RYR2: variants seen among roughly 807,000 people sequenced by gnomAD.
The protein encoded by RYR2 is cardiac muscle ryanodine receptor-calcium release channel.
Under a neutral mutation model 601.1 loss-of-function variants are expected in RYR2, and 227 were observed. That is an observed-to-expected ratio of 0.38 (90% confidence interval 0.34 to 0.42). The LOEUF is 0.42. Ranked by LOEUF, RYR2 falls within the 10% of genes least tolerant of loss-of-function variation. RYR2 has a pLI of 1.00. For synonymous variants in RYR2, 2,223 were observed against 2,175.1 expected (o/e 1.02, Z -0.61); for missense variants, 4,646 against 6,156.5 (o/e 0.75, Z 8.21).
intron 1 of RYR2, among the ~76,000 whole-genome samples, chr1:237,264,822 A>G (rs373674907): frequency 6.6e-6 from 1 of 151,692 alleles, no homozygotes; most frequent in African/African-American, 2.4e-5. Flanking sequence ...CAGCGTCCCA[A>G]GTAGCTGGGA....
At position 237,496,562 on chromosome 1, in the gene RYR2, G is replaced by A. The variant is rs1192622030; in HGVS notation, c.2013G>A (p.Lys671=). 6.2e-7 allele frequency: 1 copy of A among 1,614,006 alleles called. No homozygotes were observed. Among genetic ancestry groups the A allele is most frequent in the Non-Finnish European group, 8.5e-7 (1 of 1,179,902 alleles). The change falls in exon 20 of 105, where the codon AAG becomes AAA. Residue 671 remains lysine, a synonymous_variant. Transcript: ENST00000366574. Reference sequence around the variant, plus strand: ...TCAGTGAAGGTTCTGCTCAGTATAAGAAATGGTACTATGAATTGATGGTGG... The same window carrying A: ...TCAGTGAAGGTTCTGCTCAGTATAAAAAATGGTACTATGAATTGATGGTGG... ...LGVSEGSAQY[K]KWYYELMVDH...
chr1:237,282,818 G>A (rs1464332652), intron 2 of RYR2, among the ~76,000 whole-genome samples: 1 of 152,198 alleles, frequency 6.6e-6, no homozygotes, highest in African/African-American at 2.4e-5. Flanking sequence ...TTCATAAGGA[G>A]AATGAGAACA....
Position 237,628,019 on chromosome 1 carries a change from C to T in RYR2, c.6379C>T (p.Arg2127Trp). ...CCTGCTGGCATCCCTTGGTCAGATT[C>T]GGTCCCTGCTGAGTGTGAGAATGGG... Reference protein sequence around the residue: ...INLLASLGQIRSLLSVRMGKE... With the variant: ...INLLASLGQIWSLLSVRMGKE... Residue 2127 changes from arginine to tryptophan, a missense_variant, in exon 41 of 105, where the codon CGG (arginine) becomes TGG (tryptophan). Coordinates refer to ENST00000366574, the MANE Select transcript of RYR2 (RefSeq NM_001035.3). 2.5e-6 allele frequency: 4 copies of T among 1,613,872 alleles called. No homozygotes were observed. Among genetic ancestry groups the T allele is most frequent in the African/African-American group, 2.7e-5 (2 of 75,032 alleles).
At chr1:237,329,278 G>A (rs1696476475) in intron 2 of RYR2, among the ~76,000 whole-genome samples, 1 of 151,842 alleles carries the variant, frequency 6.6e-6, no homozygotes. Flanking sequence ...AAACTCTTGG[G>A]CCCAAGCATT....
At chr1:237,288,800 T>C (rs2149410231) in intron 2 of RYR2, among the ~76,000 whole-genome samples, 1 of 152,144 alleles carries the variant, frequency 6.6e-6, no homozygotes, top group East Asian at 1.9e-4. Flanking sequence ...GACACTAGAT[T>C]TGCACCCTCC....
In RYR2 at chr1:237,646,273, G is replaced by A. The variant is rs150432690; in HGVS notation, c.7343-2171G>A. Among the ~76,000 whole-genome samples the A allele has an allele frequency of 6.4e-3, 977 of 151,830 alleles. 11 individuals are homozygous for A. Among genetic ancestry groups the A allele is most frequent in the African/African-American group, 0.022 (895 of 41,466 alleles). ...GGAGAATCACTTGAACCTGGGAGAC[G>A]GAGGTTGCAGTGAGCCACGGCCGTG... On this transcript the variant is annotated intron_variant, in intron 48 of 104. Transcript: ENST00000366574.
rs777610842 is a variant in RYR2, at chr1:237,707,182, C to G, written c.9814C>G (p.His3272Asp). 8 of 1,612,756 alleles carry G rather than the reference C, an allele frequency of 5.0e-6. No homozygotes were observed. The South Asian group carries it at 7.7e-5, about 16-fold the overall frequency. The change falls in exon 68 of 105, where the codon CAC becomes GAC. Residue 3272 changes from histidine to aspartate, a missense_variant. Coordinates refer to ENST00000366574, the MANE Select transcript of RYR2 (RefSeq NM_001035.3). ...GTGCTGCACAGCCCTGAACTCAGAGCACATGAACACACTTCTAGGGAACAT... is the reference window on the plus strand; with the variant it reads ...GTGCTGCACAGCCCTGAACTCAGAGGACATGAACACACTTCTAGGGAACAT... ...EMCCTALNSE[H>D]MNTLLGNILK...
At chr1:237,188,653 C>T (rs1180722160) in intron 1 of RYR2, among the ~76,000 whole-genome samples, 1 of 152,038 alleles carries the variant, frequency 6.6e-6, no homozygotes, top group East Asian at 1.9e-4. Flanking sequence ...GCAACCTCTA[C>T]CTCCCAGGTT....
At chr1:237,323,799 A>G (rs1695880642) in intron 2 of RYR2, among the ~76,000 whole-genome samples, 1 of 152,196 alleles carries the variant, frequency 6.6e-6, no homozygotes, top group African/African-American at 2.4e-5. Flanking sequence ...ATGCCAAGGG[A>G]ATGACTTGAG....
At chr1:237,239,403 AG>A (rs1412415869) in intron 1 of RYR2, among the ~76,000 whole-genome samples, 1 of 152,128 alleles carries the variant, frequency 6.6e-6, no homozygotes, top group Non-Finnish European at 1.5e-5. Context: ...TTTATAGAGT[AG>A]CTTGAGGAGG....
intron 1 of RYR2, among the ~76,000 whole-genome samples, chr1:237,253,187 A>G (rs1234008192): frequency 6.7e-6 from 1 of 150,184 alleles, no homozygotes; most frequent in African/African-American, 2.4e-5. Flanking sequence ...AAAAACAACA[A>G]CAAAAAGTGA....
rs1254102854 is a variant in RYR2, at chr1:237,614,585, A to G, written c.5457A>G (p.Val1819=). 2 of 1,613,848 alleles carry G rather than the reference A, an allele frequency of 1.2e-6. No homozygotes were observed. Among genetic ancestry groups the G allele is most frequent in the African/African-American group, 2.7e-5 (2 of 74,920 alleles). ...GAGGGACTACTGAATTCCTCTTTGTACCTCTCATCAAGCTTTTCTATACCC... is the reference window on the plus strand; with the variant it reads ...GAGGGACTACTGAATTCCTCTTTGTGCCTCTCATCAAGCTTTTCTATACCC... ...PVGGTTEFLF[V]PLIKLFYTLL... Residue 1819 remains valine (V), a synonymous_variant, in exon 37 of 105, where the codon GTA becomes GTG. Coordinates refer to ENST00000366574, the MANE Select transcript of RYR2 (RefSeq NM_001035.3). This position sits in a 1 kb window ranked among gnomAD's most constrained non-coding sequence, Gnocchi z 4.3.
chr1:237,681,975 G>A (rs544581746), intron 62 of RYR2, among the ~76,000 whole-genome samples: 1 of 152,266 alleles, frequency 6.6e-6, no homozygotes, highest in South Asian at 2.1e-4. Flanking sequence ...TGTTAATCTA[G>A]CTATCACTTA....
Position 237,365,758 on chromosome 1 carries a change from T to C in RYR2, c.309+1386T>C, listed in dbSNP as rs576591069. Among the ~76,000 whole-genome samples, 4 of 152,336 alleles carry C rather than the reference T, an allele frequency of 2.6e-5. No homozygotes were observed. The South Asian group carries it at 6.2e-4, about 24-fold the overall frequency. ...CATTCTTAATTCAACTGTACAATAT[T>C]GTATGGACTTCCCCTTGGGAAGGGT... On this transcript the variant is annotated intron_variant, in intron 5 of 104. Coordinates refer to ENST00000366574, the MANE Select transcript of RYR2 (RefSeq NM_001035.3).
At chr1:237,798,537 T>G (rs533961859) in intron 97 of RYR2, among the ~76,000 whole-genome samples, 1 of 151,334 alleles carries the variant, frequency 6.6e-6, no homozygotes, top group Non-Finnish European at 1.5e-5. Flanking sequence ...GTTAATTTTC[T>G]TATGTTTTGG....
intron 23 of RYR2, among the ~76,000 whole-genome samples, chr1:237,508,775 C>T (rs1048325182): frequency 8.8e-6 from 1 of 113,552 alleles, no homozygotes; most frequent in African/African-American, 3.4e-5. Context: ...CGGAGTCTTG[C>T]TCTGTCGCCC....
At chr1:237,452,384 A>G (rs1293759443) in intron 14 of RYR2, among the ~76,000 whole-genome samples, 1 of 146,446 alleles carries the variant, frequency 6.8e-6, no homozygotes, top group African/African-American at 2.5e-5. Flanking sequence ...TGTAAAGTAT[A>G]TATTATACAT....
chr1:237,828,745 G>C (rs1663438442), intron 102 of RYR2, among the ~76,000 whole-genome samples: 1 of 152,204 alleles, frequency 6.6e-6, no homozygotes, highest in South Asian at 2.1e-4. Flanking sequence ...TGATTACAGA[G>C]CAGTGTGGTG....
chr1:237,569,326 C>G lies in RYR2; in HGVS notation c.3598+7C>G, dbSNP rs1197179687. On this transcript the variant is annotated splice_region_variant and intron_variant, in intron 29 of 104. Transcript: ENST00000366574. ...GACTTTGATGTTGGCGATGGTAAGT[C>G]TACTATGTTTTGTGTTTTTTTTAAG... 1.2e-6 allele frequency: 2 copies of G among 1,612,452 alleles called. No homozygotes were observed. Among genetic ancestry groups the G allele is most frequent in the South Asian group, 2.2e-5 (2 of 90,800 alleles).
Sources: gnomAD v4.1 joint callset for allele counts (sites outside exome capture counted in the v4.1 genomes callset) on GRCh38, gnomAD v4.1.1 for gene constraint, Gnocchi (gnomAD v3.1) non-coding constraint, MANE v1.5 for transcripts, NCBI Gene and HGNC (gene_info 2026-07-23, HGNC 2026-07-21) for gene names.